STMN4: variants seen among roughly 807,000 people sequenced by gnomAD.
STMN4 encodes the protein stathmin-4.
Under a neutral mutation model 29.1 loss-of-function variants are expected in STMN4, and 12 were observed. That is an observed-to-expected ratio of 0.41 (90% CI 0.26 to 0.67). The LOEUF (loss-of-function observed/expected upper bound fraction) is 0.67. Among genes scored for constraint, STMN4 ranks in the 30% least tolerant of loss-of-function variants. The pLI is 0.30. For synonymous variants in STMN4, 114 were observed against 105.3 expected (o/e 1.08, Z -0.51); for missense variants, 181 against 262.8 (o/e 0.69, Z 2.15).
rs1801510140 is a variant in STMN4 at position 27,242,639 on chromosome 8, T to C, written c.14-147A>G. On this transcript the variant is annotated intron_variant, in intron 2 of 6. Coordinates refer to ENST00000350889, the MANE Select transcript of STMN4 (RefSeq NM_030795.4). ...CACGCCAAGCCTGGGGATCCAGGCC[T>C]TTCGCCCTGAGCCGTGCTGTTCAGG... The C allele has an allele frequency of 6.7e-6, 5 of 747,406 alleles. No homozygotes were observed. In the East Asian group the frequency reaches 1.4e-4, roughly 20 times the overall value. The allele number at this position is 747,406 out of a possible 1,614,324, so 46.3% of individuals were successfully genotyped here.
chr8:27,253,927 C>T lies in STMN4; in HGVS notation c.-79+4424G>A, dbSNP rs1027348594. Among the ~76,000 whole-genome samples the T allele has an allele frequency of 2.6e-5, 4 of 152,082 alleles. No homozygotes were observed. The South Asian group carries it at 6.2e-4, about 24-fold the overall frequency. On this transcript the variant is annotated intron_variant, in intron 1 of 6. Transcript: ENST00000350889. ...CCTCCCGAGGAGCTGGAATTACATG[C>T]GTGCACCACCATGCCCAGCTAACTT... is the stretch of plus-strand genomic sequence containing the variant.
chr8:27,239,296 G>C, intron 6 of STMN4: 1 of 1,535,574 alleles, frequency 6.5e-7, no homozygotes, highest in Admixed American at 2.0e-5. Flanking sequence ...ATAAAACACA[G>C]AGCTGGAGCT....
At chr8:27,240,947 T>C (rs918639463) in intron 5 of STMN4, 107 bp downstream of exon 5, 8 of 1,100,842 alleles carry the variant, frequency 7.3e-6, no homozygotes, top group Non-Finnish European at 1.0e-5. Flanking sequence ...TCCCTAAATA[T>C]TGCAGATTGG....
At chr8:27,252,417 T>A (rs1801816690) in intron 1 of STMN4, among the ~76,000 whole-genome samples, 1 of 152,106 alleles carries the variant, frequency 6.6e-6, no homozygotes, top group Admixed American at 6.6e-5. Flanking sequence ...TACAATGAAC[T>A]CAAACAAATT....
At chr8:27,254,283 C>A (rs1357171998) in intron 1 of STMN4, among the ~76,000 whole-genome samples, 18 of 152,224 alleles carry the variant, frequency 1.2e-4, no homozygotes, top group Admixed American at 1.2e-3. Context: ...TAGGCACAGA[C>A]TCCCACATGG....
At chr8:27,244,658 C>T (rs1421425295) in intron 1 of STMN4, among the ~76,000 whole-genome samples, 1 of 151,912 alleles carries the variant, frequency 6.6e-6, no homozygotes, top group African/African-American at 2.4e-5. Context: ...TGCAAGGGAA[C>T]ATCACGGCCA....
chr8:27,248,481 T>A (rs1419653452), intron 1 of STMN4, among the ~76,000 whole-genome samples: 1 of 152,132 alleles, frequency 6.6e-6, no homozygotes, highest in African/African-American at 2.4e-5. Context: ...GAATAGGAAC[T>A]GGAAAATTGC....
At chr8:27,247,474 G>C (rs1325181837) in intron 1 of STMN4, among the ~76,000 whole-genome samples, 1 of 152,176 alleles carries the variant, frequency 6.6e-6, no homozygotes, top group Admixed American at 6.5e-5. Context: ...GCCAGCCATG[G>C]CAGGAAACCC....
intron 1 of STMN4, among the ~76,000 whole-genome samples, chr8:27,250,445 A>G (rs1801749977): frequency 6.6e-6 from 1 of 152,222 alleles, no homozygotes. Context: ...GGAAAAGTAA[A>G]ACAGGTCCCT....
chr8:27,257,279 G>A (rs1801968177), intron 1 of STMN4, among the ~76,000 whole-genome samples: 1 of 152,064 alleles, frequency 6.6e-6, no homozygotes, highest in Non-Finnish European at 1.5e-5. Context: ...TCAGCCTCAG[G>A]TGGAGACAGA....
At position 27,251,808 on chromosome 8, in the gene STMN4, C is replaced by T. The variant is rs1463965511; in HGVS notation, c.-79+6543G>A. 1.2e-4 allele frequency among the ~76,000 whole-genome samples: 18 copies of T among 145,872 alleles called. 1 individual carries two copies. Among genetic ancestry groups the T allele is most frequent in the South Asian group, 2.2e-4 (1 of 4,644 alleles). On this transcript the variant is annotated intron_variant, in intron 1 of 6. Coordinates refer to ENST00000350889, the MANE Select transcript of STMN4 (RefSeq NM_030795.4). Reference sequence around the variant, plus strand: ...TTTCTTTTTTGCCATCTTTTTTTTTCTTTTTTTTTTTATTATTATACTTTA... The same window carrying T: ...TTTCTTTTTTGCCATCTTTTTTTTTTTTTTTTTTTTTATTATTATACTTTA...
chr8:27,251,228 G>C (rs1801772599), intron 1 of STMN4, among the ~76,000 whole-genome samples: 1 of 151,538 alleles, frequency 6.6e-6, no homozygotes, highest in Non-Finnish European at 1.5e-5. Flanking sequence ...ACTTCAGCCT[G>C]GGTGAAAGAG....
chr8:27,236,950 C>G (rs368226476), intron 6 of STMN4, 45 bp from the exon 7 acceptor site: 1 of 1,575,904 alleles, frequency 6.3e-7, no homozygotes, highest in Non-Finnish European at 8.6e-7. Context: ...CAAGGCTGCC[C>G]GGGGACAAAA....
At chr8:27,246,152 T>C (rs1801618673) in intron 1 of STMN4, among the ~76,000 whole-genome samples, 1 of 152,108 alleles carries the variant, frequency 6.6e-6, no homozygotes, top group South Asian at 2.1e-4. Context: ...CCTGGGGATA[T>C]GAGTTAACTT....
intron 1 of STMN4, among the ~76,000 whole-genome samples, chr8:27,244,554 A>G (rs1801570274): frequency 6.6e-6 from 1 of 152,160 alleles, no homozygotes; most frequent in Non-Finnish European, 1.5e-5. Flanking sequence ...AGCATTTGCC[A>G]GGGAGCCTGG....
intron 1 of STMN4, among the ~76,000 whole-genome samples, chr8:27,251,413 G>T (rs1390509542): frequency 6.6e-6 from 1 of 151,538 alleles, no homozygotes; most frequent in Non-Finnish European, 1.5e-5. Context: ...ATTCTGGGCT[G>T]CTGGAGAGTG....
chr8:27,243,152 G>A (rs1048790700), intron 2 of STMN4, among the ~76,000 whole-genome samples: 3 of 152,124 alleles, frequency 2.0e-5, no homozygotes, highest in Non-Finnish European at 2.9e-5. Context: ...TCTCCTCACC[G>A]CCTTGGGGCC....
chr8:27,256,378 T>TA (rs555578242), intron 1 of STMN4, among the ~76,000 whole-genome samples: 317 of 149,090 alleles, frequency 2.1e-3, no homozygotes, highest in Middle Eastern at 6.8e-3. Flanking sequence ...AGTTAAAAAT[T>TA]AAAAAAAAAA....
intron 1 of STMN4, among the ~76,000 whole-genome samples, chr8:27,255,778 G>C (rs1316490499): frequency 1.3e-5 from 2 of 152,184 alleles, no homozygotes; most frequent in Non-Finnish European, 2.9e-5. Context: ...AAAGAAGATA[G>C]CCACTTGGAA....
Sources: allele counts gnomAD v4.1 joint callset (sites outside exome capture counted in the v4.1 genomes callset), GRCh38; gene constraint gnomAD v4.1.1; transcripts MANE v1.5; gene names NCBI Gene and HGNC (gene_info 2026-07-23, HGNC 2026-07-21).